The following ADSS2 variants were observed in gnomAD, a reference collection of about 807,000 sequenced individuals.
The protein encoded by ADSS2 is adenylosuccinate synthetase isozyme 2.
A neutral mutation model predicts 60.0 loss-of-function variants in ADSS2; 30 were observed. The ratio of observed to expected loss-of-function variants is 0.50; its 90% CI spans 0.37 to 0.68. The LOEUF (loss-of-function observed/expected upper bound fraction) is 0.68, where lower values mean the gene tolerates loss of function less well. Among genes scored for constraint, ADSS2 ranks in the 30% least tolerant of loss-of-function variants. The pLI is 0.00. For missense variants in ADSS2, 373 were observed against 554.8 expected, an observed-to-expected ratio of 0.67 and a Z score of 3.29; for synonymous variants, 187 against 193.1, an observed-to-expected ratio of 0.97 and a Z score of 0.26.
At chr1:244,434,206 C>T (rs112963471) in intron 3 of ADSS2, among the ~76,000 whole-genome samples, 5,220 of 150,640 alleles carry the variant, frequency 0.035, 114 homozygotes, top group Middle Eastern at 0.083. Flanking sequence ...AATTAAAAAA[C>T]CTAGTCAGGC....
At chr1:244,444,995 C>A (rs1269891707) in intron 1 of ADSS2, among the ~76,000 whole-genome samples, 1 of 152,148 alleles carries the variant, frequency 6.6e-6, no homozygotes, top group Non-Finnish European at 1.5e-5. Context: ...GCAAACTGAT[C>A]CAGGCAGGGA....
intron 3 of ADSS2, among the ~76,000 whole-genome samples, chr1:244,436,455 C>T (rs1043561630): frequency 6.6e-6 from 1 of 152,144 alleles, no homozygotes; most frequent in African/African-American, 2.4e-5. Context: ...AACAAAAATT[C>T]CCTTTTATCC....
At chr1:244,426,692 C>T (rs1233470218) in intron 4 of ADSS2, among the ~76,000 whole-genome samples, 6 of 152,064 alleles carry the variant, frequency 3.9e-5, no homozygotes, top group African/African-American at 1.4e-4. Context: ...AGCCACTTTG[C>T]TTGCTTTCTC....
rs779518035 is a variant in ADSS2, at chr1:244,451,038, A to G, written c.183+597T>C. ...AAGAAACTCAGGGCCCTAAAACAAC[A>G]GTCCAAAGCCCAGAGGTGGGTGGGT... is the stretch of plus-strand genomic sequence containing the variant. On this transcript the variant is annotated intron_variant, in intron 1 of 12. Coordinates refer to ENST00000366535, the MANE Select transcript of ADSS2 (RefSeq NM_001126.5). This position sits in a 1 kb window ranked among gnomAD's most constrained non-coding sequence, Gnocchi z 6.6. 8.5e-5 allele frequency among the ~76,000 whole-genome samples: 13 copies of G among 152,206 alleles called. No homozygotes were observed. The highest frequency in any genetic ancestry group is 1.6e-4 in the Non-Finnish European group (11 of 68,024).
In ADSS2 at chr1:244,417,758, G is replaced by A. The variant is rs767962864; in HGVS notation, c.946-6C>T. On this transcript the variant is annotated splice_region_variant and splice_polypyrimidine_tract_variant and intron_variant, in intron 9 of 12. Transcript: ENST00000366535. ...TGTAATAATTCTCCAATTTCCTACAGAACAGAAAATTGAACTTTAGGATTA... is the reference window on the plus strand; with the variant it reads ...TGTAATAATTCTCCAATTTCCTACAAAACAGAAAATTGAACTTTAGGATTA... 4 of 1,612,336 alleles carry A rather than the reference G, an allele frequency of 2.5e-6. No homozygotes were observed. The highest frequency in any genetic ancestry group is 1.1e-5 in the South Asian group (1 of 91,008).
chr1:244,416,171 G>C, intron 10 of ADSS2, 93 bp from the exon 11 acceptor site: 1 of 836,448 alleles, frequency 1.2e-6, no homozygotes, highest in Non-Finnish European at 1.9e-6. Context: ...AAAAATTCAT[G>C]CAAAGCTTAA....
At chr1:244,429,391 A>G (rs532736090) in intron 4 of ADSS2, among the ~76,000 whole-genome samples, 1 of 152,346 alleles carries the variant, frequency 6.6e-6, no homozygotes, top group Admixed American at 6.5e-5. Flanking sequence ...TCCTGTATTC[A>G]GTTCTGAAAT....
intron 1 of ADSS2, among the ~76,000 whole-genome samples, chr1:244,440,826 T>C (rs1418509744): frequency 6.6e-6 from 1 of 152,224 alleles, no homozygotes; most frequent in African/African-American, 2.4e-5. Flanking sequence ...ATCTCATTCT[T>C]TTAACAGTTG....
chr1:244,441,631 C>G (rs1048764210), intron 1 of ADSS2, among the ~76,000 whole-genome samples: 3 of 151,962 alleles, frequency 2.0e-5, no homozygotes, highest in Non-Finnish European at 2.9e-5. Flanking sequence ...TGCATGTCAC[C>G]CTGCCTAACT....
intron 1 of ADSS2, among the ~76,000 whole-genome samples, chr1:244,446,751 C>T (rs1277726272): frequency 2.0e-5 from 3 of 152,152 alleles, no homozygotes; most frequent in African/African-American, 7.2e-5. Context: ...GGCCATAAGA[C>T]ATCCAACCAA....
At chr1:244,441,350 G>A (rs910955389) in intron 1 of ADSS2, among the ~76,000 whole-genome samples, 3 of 152,102 alleles carry the variant, frequency 2.0e-5, no homozygotes, top group Non-Finnish European at 2.9e-5. Flanking sequence ...GAGCCACTGC[G>A]CCCGGCCAAC....
At chr1:244,424,464 G>A in intron 4 of ADSS2, 77 bp from the exon 5 acceptor site, 3 of 1,190,456 alleles carry the variant, frequency 2.5e-6, no homozygotes, top group African/African-American at 1.5e-5. Context: ...TCAAATTACT[G>A]AAGTTATAAA....
intron 7 of ADSS2, among the ~76,000 whole-genome samples, chr1:244,420,996 T>C (rs1289756546): frequency 6.6e-6 from 1 of 152,060 alleles, no homozygotes. Context: ...ACCATGAATT[T>C]TGAAACTTGC....
intron 2 of ADSS2, among the ~76,000 whole-genome samples, chr1:244,437,243 A>G (rs922713903): frequency 3.3e-5 from 5 of 152,156 alleles, no homozygotes; most frequent in African/African-American, 1.2e-4. Context: ...AGGTTGTGAT[A>G]AGGATTTTTA....
At chr1:244,432,514 G>C (rs1229549932) in intron 4 of ADSS2, 31 bp downstream of exon 4, 1 of 1,436,110 alleles carries the variant, frequency 7.0e-7, no homozygotes, top group Non-Finnish European at 9.5e-7. Context: ...TAAAAAGATA[G>C]TTACAAATAA....
At chr1:244,411,223 A>T in intron 12 of ADSS2, 64 bp downstream of exon 12, 1 of 1,522,964 alleles carries the variant, frequency 6.6e-7, no homozygotes, top group Non-Finnish European at 8.8e-7. Flanking sequence ...CGTCTCAAAA[A>T]AAAAAAAAGA....
intron 7 of ADSS2, among the ~76,000 whole-genome samples, chr1:244,422,518 G>C (rs1256027028): frequency 6.6e-6 from 1 of 152,192 alleles, no homozygotes; most frequent in Non-Finnish European, 1.5e-5. Flanking sequence ...ATTTTTATAT[G>C]ATGCAAATCT....
chr1:244,435,500 C>T (rs914848963), intron 3 of ADSS2, among the ~76,000 whole-genome samples: 13 of 151,046 alleles, frequency 8.6e-5, no homozygotes, highest in Admixed American at 6.6e-5. Flanking sequence ...GTGCATGAAA[C>T]GAAGTTTGTT....
chr1:244,424,656 A>C (rs1197203418), intron 4 of ADSS2: 1 of 274,768 alleles, frequency 3.6e-6, no homozygotes, highest in African/African-American at 2.2e-5. Context: ...TCTTGCCCTA[A>C]AATTTAACAA....
Sources: gnomAD v4.1 joint callset for allele counts (sites outside exome capture counted in the v4.1 genomes callset) on GRCh38, gnomAD v4.1.1 for gene constraint, Gnocchi (gnomAD v3.1) non-coding constraint, MANE v1.5 for transcripts, NCBI Gene and HGNC (gene_info 2026-07-23, HGNC 2026-07-21) for gene names.